The following GRM5 variants were observed in gnomAD, a reference collection of about 807,000 sequenced individuals.
The protein encoded by GRM5 is metabotropic glutamate receptor 5.
In GRM5, 19 loss-of-function variants were observed where a neutral mutation model predicts 83.1. That is an observed-to-expected ratio of 0.23 (90% CI 0.16 to 0.34). GRM5 has a LOEUF of 0.34. GRM5 is among the 10% of genes least tolerant of loss of function. GRM5 has a pLI of 1.00. For synonymous variants in GRM5, 675 were observed against 633.6 expected, an observed-to-expected ratio of 1.07 and a Z score of -0.98; for missense variants, 1,160 against 1,588.3, an observed-to-expected ratio of 0.73 and a Z score of 4.58.
intron 7 of GRM5, among the ~76,000 whole-genome samples, chr11:88,584,270 A>C (rs1943269653): frequency 6.6e-6 from 1 of 151,084 alleles, no homozygotes; most frequent in Non-Finnish European, 1.5e-5. Context: ...CTATTTTGTA[A>C]CTCCCATCTA....
At chr11:89,036,088 G>A (rs542912958) in intron 2 of GRM5, among the ~76,000 whole-genome samples, 5 of 152,026 alleles carry the variant, frequency 3.3e-5, no homozygotes, top group South Asian at 2.1e-4. Context: ...GAAGTATAGC[G>A]TTAAGTTTCC....
intron 4 of GRM5, among the ~76,000 whole-genome samples, chr11:88,622,606 G>GT (rs1938669017): frequency 6.6e-6 from 1 of 152,148 alleles, no homozygotes; most frequent in African/African-American, 2.4e-5. Flanking sequence ...CGAGGAAGGG[G>GT]TGGGGGCGGC....
At chr11:89,029,668 C>A (rs970218601) in intron 2 of GRM5, among the ~76,000 whole-genome samples, 3 of 152,128 alleles carry the variant, frequency 2.0e-5, no homozygotes, top group African/African-American at 7.2e-5. Flanking sequence ...CCAGATGCAT[C>A]CCTAATGAGA....
chr11:89,053,117 A>G (rs1003220662), intron 1 of GRM5, among the ~76,000 whole-genome samples: 3 of 152,158 alleles, frequency 2.0e-5, no homozygotes, highest in African/African-American at 4.8e-5. Context: ...GAGATATAGA[A>G]TCTTACAGGA....
chr11:88,704,969 C>T (rs1941120821), intron 3 of GRM5, among the ~76,000 whole-genome samples: 1 of 151,878 alleles, frequency 6.6e-6, no homozygotes, highest in Non-Finnish European at 1.5e-5. Flanking sequence ...TGTAATTTTC[C>T]TTTCATCTCT....
At chr11:88,694,387 G>GGCA in intron 3 of GRM5, among the ~76,000 whole-genome samples, 2 of 152,154 alleles carry the variant, frequency 1.3e-5, no homozygotes, top group Non-Finnish European at 2.9e-5. Flanking sequence ...GAGCAGCATA[G>GGCA]GCAGGTACAA....
intron 3 of GRM5, among the ~76,000 whole-genome samples, chr11:88,706,237 C>T (rs1383388689): frequency 6.6e-6 from 1 of 152,018 alleles, no homozygotes; most frequent in Non-Finnish European, 1.5e-5. Context: ...TATCTGTGAT[C>T]TTTGAAGGTC....
chr11:88,603,270 C>T (rs971512188), intron 5 of GRM5, among the ~76,000 whole-genome samples: 1 of 152,212 alleles, frequency 6.6e-6, no homozygotes, highest in Non-Finnish European at 1.5e-5. Context: ...TCCTCCCTCC[C>T]TGGTTTGCGG....
intron 7 of GRM5, among the ~76,000 whole-genome samples, chr11:88,570,571 A>ATATATATTTT (rs1405339448): frequency 6.5e-5 from 3 of 46,378 alleles, no homozygotes; most frequent in African/African-American, 4.0e-4. Flanking sequence ...ATATATATAT[A>ATATATATTTT]TTTTTTTTTT....
At chr11:88,544,816 C>T (rs1591337221) in intron 8 of GRM5, among the ~76,000 whole-genome samples, 1 of 152,184 alleles carries the variant, frequency 6.6e-6, no homozygotes, top group African/African-American at 2.4e-5. Context: ...AAGAGGCTAC[C>T]ACAGGGTCTC....
intron 8 of GRM5, among the ~76,000 whole-genome samples, chr11:88,529,026 C>T (rs1191671514): frequency 6.6e-6 from 1 of 151,952 alleles, no homozygotes; most frequent in Non-Finnish European, 1.5e-5. Context: ...TATTATTTAC[C>T]TTTTCTCTTC....
intron 8 of GRM5, among the ~76,000 whole-genome samples, chr11:88,534,332 C>A (rs1241417834): frequency 3.9e-5 from 6 of 152,230 alleles, no homozygotes; most frequent in Non-Finnish European, 8.8e-5. Context: ...GAGAGGGAGG[C>A]TGTACTCTTC....
At chr11:88,928,637 C>T (rs1436592830) in intron 2 of GRM5, among the ~76,000 whole-genome samples, 1 of 151,680 alleles carries the variant, frequency 6.6e-6, no homozygotes, top group Non-Finnish European at 1.5e-5. Flanking sequence ...GATAAAATGA[C>T]AATTATAAGT....
chr11:88,781,678 G>A (rs1004644538), intron 3 of GRM5, among the ~76,000 whole-genome samples: 1 of 152,178 alleles, frequency 6.6e-6, no homozygotes, highest in Non-Finnish European at 1.5e-5. Flanking sequence ...GTGACTTTTT[G>A]AAGAGTTCCT....
At chr11:88,604,104 G>A (rs1015074841) in intron 5 of GRM5, among the ~76,000 whole-genome samples, 1 of 151,910 alleles carries the variant, frequency 6.6e-6, no homozygotes, top group Non-Finnish European at 1.5e-5. Context: ...GTAAGTTCTG[G>A]GTACTTAGTG....
chr11:88,578,973 C>A (rs966329798), intron 7 of GRM5, among the ~76,000 whole-genome samples: 1 of 152,090 alleles, frequency 6.6e-6, no homozygotes, highest in Non-Finnish European at 1.5e-5. Context: ...GGAAAAAGCA[C>A]TAGTTTTACA....
intron 3 of GRM5, among the ~76,000 whole-genome samples, chr11:88,781,736 C>T (rs1942980125): frequency 6.6e-6 from 1 of 152,168 alleles, no homozygotes; most frequent in African/African-American, 2.4e-5. Context: ...AATGTGCTGA[C>T]CACAATCTCC....
intron 3 of GRM5, among the ~76,000 whole-genome samples, chr11:88,818,699 G>T (rs1289939441): frequency 1.3e-5 from 2 of 152,112 alleles, no homozygotes; most frequent in African/African-American, 4.8e-5. Context: ...CTCTAATAAA[G>T]TAGTTCATTT....
At chr11:88,718,201 T>C (rs1441514391) in intron 3 of GRM5, among the ~76,000 whole-genome samples, 1 of 151,952 alleles carries the variant, frequency 6.6e-6, no homozygotes, top group Non-Finnish European at 1.5e-5. Context: ...CACAAGTCAA[T>C]GCCTATATAT....
Sources: gnomAD v4.1 joint callset for allele counts (sites outside exome capture counted in the v4.1 genomes callset) on GRCh38, gnomAD v4.1.1 for gene constraint, MANE v1.5 for transcripts, NCBI Gene and HGNC (gene_info 2026-07-23, HGNC 2026-07-21) for gene names.